The following PRR7 variants were observed in gnomAD, a reference collection of about 807,000 sequenced individuals.
The protein encoded by PRR7 is proline-rich protein 7.
In PRR7, 8 loss-of-function variants were observed where a neutral mutation model predicts 18.5. The ratio of observed to expected loss-of-function variants is 0.43; its 90% CI spans 0.25 to 0.78. The LOEUF (loss-of-function observed/expected upper bound fraction) is 0.78. PRR7 is among the 30% of genes least tolerant of loss of function. The probability of loss-of-function intolerance (pLI) is 0.22; values close to 1 mark genes in which losing one functional copy is unlikely to be tolerated. For synonymous variants in PRR7, 221 were observed against 187.7 expected (o/e 1.18, Z -1.45); for missense variants, 396 against 403.1 (o/e 0.98, Z 0.15).
rs1165247161 is a variant in PRR7 at position 177,454,710 on chromosome 5, G to A, written c.-239-119G>A. ...TCCTCGGTGACGTCACCGGGCCCCC[G>A]GGGAGCGCGAGGTTCCCACGGAGGA... On this transcript the variant is annotated intron_variant, in intron 2 of 3. Coordinates refer to ENST00000323249, the MANE Select transcript of PRR7 (RefSeq NM_030567.5). The surrounding 1 kb of genome is among the most constrained non-coding windows in gnomAD (Gnocchi z 4.7). The A allele has an allele frequency of 6.7e-6, 1 of 148,318 alleles. No homozygotes were observed. The allele number at this position is 148,318 out of a possible 1,614,324, so 9.2% of individuals were successfully genotyped here.
rs992417384 is a variant in PRR7, at chr5:177,450,507, C to T, written c.-324-3449C>T. Among the ~76,000 whole-genome samples, 13 of 152,204 alleles carry T rather than the reference C, an allele frequency of 8.5e-5. No homozygotes were observed. Among genetic ancestry groups the T allele is most frequent in the Non-Finnish European group, 1.9e-4 (13 of 68,024 alleles). On this transcript the variant is annotated intron_variant, in intron 1 of 3. Transcript: ENST00000323249. The surrounding 1 kb of genome is among the most constrained non-coding windows in gnomAD (Gnocchi z 6.6). The stretch of plus-strand genomic sequence containing the variant: ...ACACAGAGCCAGCCCTTGAGGTACT[C>T]CCCCGGTCCCACAGCTAAAAGACCA...
chr5:177,455,335 G>C lies in PRR7; in HGVS notation c.268G>C (p.Ala90Pro). ...TAGCCGCCTGGAGGCGCCGGCTCACGCGCACTCGCATCCGCACGTGCACGT... is the reference window on the plus strand; with the variant it reads ...TAGCCGCCTGGAGGCGCCGGCTCACCCGCACTCGCATCCGCACGTGCACGT... ...HRSRLEAPAH[A>P]HSHPHVHVHP... The change falls in exon 3 of 4, where the codon GCG becomes CCG. Residue 90 changes from alanine to proline, a missense_variant. Around this residue, in one of 2 missense-constraint regions of PRR7, gnomAD observed 383 missense variants for 372.6 expected, o/e 1.03. Transcript: ENST00000323249. This position sits in a 1 kb window ranked among gnomAD's most constrained non-coding sequence, Gnocchi z 6.9. 6.7e-7 allele frequency: 1 copy of C among 1,488,244 alleles called. No homozygotes were observed. The highest frequency in any genetic ancestry group is 1.3e-5 in the South Asian group (1 of 78,312). The allele number at this position is 1,488,244 out of a possible 1,614,324, so 92.2% of individuals were successfully genotyped here. A position where few individuals can be genotyped will look rare whatever the true frequency, so the allele number is the denominator to read the frequency against.
chr5:177,454,839 G>A lies in PRR7; in HGVS notation c.-229G>A. 1 of 357,408 alleles carries A rather than the reference G, an allele frequency of 2.8e-6. No homozygotes were observed. Among genetic ancestry groups the A allele is most frequent in the Non-Finnish European group, 4.6e-6 (1 of 217,728 alleles). 22.1% of individuals were successfully genotyped at this position (357,408 alleles called of 1,614,324 possible). On this transcript the variant is annotated 5_prime_UTR_variant, in exon 3 of 4. Transcript: ENST00000323249. The surrounding 1 kb of genome is among the most constrained non-coding windows in gnomAD (Gnocchi z 4.7). Reference sequence around the variant, plus strand: ...GTGTCTGCCCTACAGGTCCCGCGCGGCCCCGGGTGAGGCACGCCCGCGCGC... The same window carrying A: ...GTGTCTGCCCTACAGGTCCCGCGCGACCCCGGGTGAGGCACGCCCGCGCGC...
At position 177,455,958 on chromosome 5, in the gene PRR7, G is replaced by T. The variant is rs1222828925; in HGVS notation, c.662G>T (p.Arg221Leu). ...GCGCTGCACCTGCCCAGCGCCCCTCGGCCCGCGCCGCCCTGCCCAGCCCTC... is the reference window on the plus strand; with the variant it reads ...GCGCTGCACCTGCCCAGCGCCCCTCTGCCCGCGCCGCCCTGCCCAGCCCTC... The part of the protein sequence containing the change: ...TSALHLPSAP[R>L]PAPPCPALCL... The change falls in exon 4 of 4, where the codon CGG becomes CTG. Residue 221 changes from arginine (R) to leucine (L), a missense_variant. This residue lies in a region of PRR7 where 383 missense variants were observed against 372.6 expected (regional missense o/e 1.03). Coordinates refer to ENST00000323249, the MANE Select transcript of PRR7 (RefSeq NM_030567.5). The surrounding 1 kb of genome is among the most constrained non-coding windows in gnomAD (Gnocchi z 6.9). The T allele has an allele frequency of 6.3e-7, 1 of 1,593,334 alleles. No individual in the cohort carries two copies. Among genetic ancestry groups the T allele is most frequent in the Non-Finnish European group, 8.5e-7 (1 of 1,173,674 alleles).
chr5:177,448,083 C>T (rs1346549026), intron 1 of PRR7, among the ~76,000 whole-genome samples: 1 of 152,220 alleles, frequency 6.6e-6, no homozygotes, highest in African/African-American at 2.4e-5. Flanking sequence ...GCCCTCCTGC[C>T]AGCTCTCCCA....
Position 177,455,560 on chromosome 5 carries a change from G to A in PRR7, c.427+66G>A. Reference sequence around the variant, plus strand: ...GAAGTGGGCGGGCGTTGGAGGGCTCGCTGCTTACCCTCAGGGCTTCCATCC... The same window carrying A: ...GAAGTGGGCGGGCGTTGGAGGGCTCACTGCTTACCCTCAGGGCTTCCATCC... On this transcript the variant is annotated intron_variant, in intron 3 of 3. Coordinates refer to ENST00000323249, the MANE Select transcript of PRR7 (RefSeq NM_030567.5). This position sits in a 1 kb window ranked among gnomAD's most constrained non-coding sequence, Gnocchi z 6.9. 7.0e-7 allele frequency: 1 copy of A among 1,425,490 alleles called. No individual in the cohort carries two copies. The highest frequency in any genetic ancestry group is 3.0e-5 in the Admixed American group (1 of 33,130). The allele number at this position is 1,425,490 out of a possible 1,614,324, so 88.3% of individuals were successfully genotyped here.
Position 177,455,225 on chromosome 5 carries a change from C to T in PRR7, c.158C>T (p.Ala53Val). The part of the protein sequence containing the change: ...EERLREQNLR[A>V]LELEPLELEG... ...CGACTGCGCGAGCAGAACCTGCGCG[C>T]CCTAGAGCTGGAGCCCCTCGAACTC... The change falls in exon 3 of 4, where the codon GCC becomes GTC. Residue 53 changes from alanine (A) to valine (V), a missense_variant. Coordinates refer to ENST00000323249, the MANE Select transcript of PRR7 (RefSeq NM_030567.5). This position sits in a 1 kb window ranked among gnomAD's most constrained non-coding sequence, Gnocchi z 6.9. 6.4e-7 allele frequency: 1 copy of T among 1,566,564 alleles called. No individual in the cohort carries two copies. The highest frequency in any genetic ancestry group is 8.6e-7 in the Non-Finnish European group (1 of 1,164,686).
rs1756068007 is a variant in PRR7, at chr5:177,449,238, C to T, written c.-325+2278C>T. Among the ~76,000 whole-genome samples, 4 of 152,222 alleles carry T rather than the reference C, an allele frequency of 2.6e-5. No homozygotes were observed. The highest frequency in any genetic ancestry group is 2.0e-4 in the Admixed American group (3 of 15,288). The stretch of plus-strand genomic sequence containing the variant: ...GGTCCTGTGTCTGAGACCTCTGGTC[C>T]GTGGGAAAGGGACCGCAGGTTTTGC... On this transcript the variant is annotated intron_variant, in intron 1 of 3. Coordinates refer to ENST00000323249, the MANE Select transcript of PRR7 (RefSeq NM_030567.5). The surrounding 1 kb of genome is among the most constrained non-coding windows in gnomAD (Gnocchi z 4.2).
intron 1 of PRR7, among the ~76,000 whole-genome samples, chr5:177,452,892 CAGAG>C (rs567699047): frequency 6.6e-6 from 1 of 152,326 alleles, no homozygotes; most frequent in East Asian, 1.9e-4. Context: ...TATTCCACAG[CAGAG>C]TCGGGCTGGT....
In PRR7 at chr5:177,455,764, G is replaced by A. The variant is rs1178963089; in HGVS notation, c.468G>A (p.Ala156=). 4 of 1,608,796 alleles carry A rather than the reference G, an allele frequency of 2.5e-6. No individual in the cohort carries two copies. Among genetic ancestry groups the A allele is most frequent in the African/African-American group, 2.7e-5 (2 of 74,654 alleles). The change falls in exon 4 of 4, where the codon GCG becomes GCA. Residue 156 remains alanine, a synonymous_variant. Coordinates refer to ENST00000323249, the MANE Select transcript of PRR7 (RefSeq NM_030567.5). This position sits in a 1 kb window ranked among gnomAD's most constrained non-coding sequence, Gnocchi z 6.9. ...CCAAACCACCGTGTTACGAAGAGGCGGTGCTGATGGCAGAGCCGCCGCCGC... is the reference window on the plus strand; with the variant it reads ...CCAAACCACCGTGTTACGAAGAGGCAGTGCTGATGGCAGAGCCGCCGCCGC... ...DMSKPPCYEE[A]VLMAEPPPPY...
In PRR7 at chr5:177,456,211, G is replaced by C; in HGVS notation, c.*90G>C. On this transcript the variant is annotated 3_prime_UTR_variant, in exon 4 of 4. Transcript: ENST00000323249. ...GCTTCCCTGGACTGCGGGGAGGGGC[G>C]GGGGGAGGGAGGGATTTCTTATCCC... 4.8e-6 allele frequency: 3 copies of C among 621,264 alleles called. No individual in the cohort carries two copies. Among genetic ancestry groups the C allele is most frequent in the South Asian group, 2.3e-5 (1 of 43,186 alleles). The allele number at this position is 621,264 out of a possible 1,614,324, so 38.5% of individuals were successfully genotyped here.
Position 177,454,597 on chromosome 5 carries a change from C to T in PRR7, c.-239-232C>T, listed in dbSNP as rs1756305434. The stretch of plus-strand genomic sequence containing the variant: ...CGCGCCCCCTGCTGGCCCGCCTCGG[C>T]TCCCCTCGGCGCCCGGGCTCCGCGG... On this transcript the variant is annotated intron_variant, in intron 2 of 3. Coordinates refer to ENST00000323249, the MANE Select transcript of PRR7 (RefSeq NM_030567.5). The surrounding 1 kb of genome is among the most constrained non-coding windows in gnomAD (Gnocchi z 4.7). Among the ~76,000 whole-genome samples the T allele has an allele frequency of 6.6e-6, 1 of 152,094 alleles. No individual in the cohort carries two copies. The highest frequency in any genetic ancestry group is 6.5e-5 in the Admixed American group (1 of 15,284).
At chr5:177,453,048 TC>T (rs570632530) in intron 1 of PRR7, among the ~76,000 whole-genome samples, 9 of 152,306 alleles carry the variant, frequency 5.9e-5, no homozygotes, top group African/African-American at 1.9e-4. Context: ...TCCTAGCTCC[TC>T]CCCTTCTGAG....
chr5:177,449,522 G>A lies in PRR7; in HGVS notation c.-325+2562G>A. Among the ~76,000 whole-genome samples the A allele has an allele frequency of 6.6e-6, 1 of 152,120 alleles. No homozygotes were observed. The highest frequency in any genetic ancestry group is 1.5e-5 in the Non-Finnish European group (1 of 68,020). On this transcript the variant is annotated intron_variant, in intron 1 of 3. Transcript: ENST00000323249. The surrounding 1 kb of genome is among the most constrained non-coding windows in gnomAD (Gnocchi z 4.2). ...ATGTTACCCAGGCTGCCCCCCACAG[G>A]GTGTCACCATCACGCCCGTGGGGCC...
chr5:177,448,374 A>T (rs1433842940), intron 1 of PRR7: 1 of 152,104 alleles, frequency 6.6e-6, no homozygotes. Flanking sequence ...TGCATCCATT[A>T]TCTCCTAATT....
Position 177,450,628 on chromosome 5 carries a change from C to T in PRR7, c.-324-3328C>T, listed in dbSNP as rs968199912. On this transcript the variant is annotated intron_variant, in intron 1 of 3. Transcript: ENST00000323249. The surrounding 1 kb of genome is among the most constrained non-coding windows in gnomAD (Gnocchi z 6.6). ...TAAGGCCGATGGTGCTCGGCCCTGG[C>T]CACCCCGGAACATCCTGGCATCATT... Among the ~76,000 whole-genome samples, 1 of 152,222 alleles carries T rather than the reference C, an allele frequency of 6.6e-6. No individual in the cohort carries two copies.
At chr5:177,447,425 C>T (rs1021503946) in intron 1 of PRR7, among the ~76,000 whole-genome samples, 1 of 152,176 alleles carries the variant, frequency 6.6e-6, no homozygotes, top group Non-Finnish European at 1.5e-5. Context: ...CTGGCTCCCA[C>T]GTGGCTGCAG....
chr5:177,449,214 G>A lies in PRR7; in HGVS notation c.-325+2254G>A, dbSNP rs940554697. Among the ~76,000 whole-genome samples the A allele has an allele frequency of 8.5e-5, 13 of 152,342 alleles. No individual in the cohort carries two copies. The highest frequency in any genetic ancestry group is 2.6e-4 in the African/African-American group (11 of 41,590). On this transcript the variant is annotated intron_variant, in intron 1 of 3. Coordinates refer to ENST00000323249, the MANE Select transcript of PRR7 (RefSeq NM_030567.5). This position sits in a 1 kb window ranked among gnomAD's most constrained non-coding sequence, Gnocchi z 4.2. Reference sequence around the variant, plus strand: ...TCTGAGAACTGTGTCCAACCTAAGGGTCCTGTGTCTGAGACCTCTGGTCCG... The same window carrying A: ...TCTGAGAACTGTGTCCAACCTAAGGATCCTGTGTCTGAGACCTCTGGTCCG...
chr5:177,455,454 C>T lies in PRR7; in HGVS notation c.387C>T (p.His129=), dbSNP rs755406642. 1 of 1,506,044 alleles carries T rather than the reference C, an allele frequency of 6.6e-7. No individual in the cohort carries two copies. Among genetic ancestry groups the T allele is most frequent in the South Asian group, 1.2e-5 (1 of 81,226 alleles). The allele number at this position is 1,506,044 out of a possible 1,614,324, so 93.3% of individuals were successfully genotyped here. ...CGCTCCCGCACCCGCCGCCTACGCA[C>T]CTGTCGGTGCCGCCACGGCCCTGGA... The part of the protein sequence containing the change: ...HHALPHPPPT[H]LSVPPRPWSY... Residue 129 remains histidine (H), a synonymous_variant, in exon 3 of 4, where the codon CAC becomes CAT. Transcript: ENST00000323249. This position sits in a 1 kb window ranked among gnomAD's most constrained non-coding sequence, Gnocchi z 6.9.
Sources: gnomAD v4.1 joint callset for allele counts (sites outside exome capture counted in the v4.1 genomes callset) on GRCh38, gnomAD v4.1.1 for gene constraint, gnomAD v4.1.1 regional missense constraint, Gnocchi (gnomAD v3.1) non-coding constraint, MANE v1.5 for transcripts, NCBI Gene and HGNC (gene_info 2026-07-23, HGNC 2026-07-21) for gene names.